The following DCC variants were observed in gnomAD, a reference collection of about 807,000 sequenced individuals.
The protein encoded by DCC is DCC netrin 1 receptor, also known as netrin receptor DCC.
A neutral mutation model predicts 172.5 loss-of-function variants in DCC; 58 were observed. That is an observed-to-expected ratio of 0.34 (90% CI 0.27 to 0.42). DCC has a LOEUF of 0.42. Among genes scored for constraint, DCC ranks in the 10% least tolerant of loss-of-function variants. The pLI is 1.00. For synonymous variants in DCC, 709 were observed against 644.5 expected (o/e 1.10, Z -1.52); for missense variants, 1,740 against 1,791.0 (o/e 0.97, Z 0.51).
At chr18:53,088,754 A>G (rs2042959343) in intron 7 of DCC, among the ~76,000 whole-genome samples, 1 of 152,176 alleles carries the variant, frequency 6.6e-6, no homozygotes, top group South Asian at 2.1e-4. Flanking sequence ...TGCTACCTGG[A>G]GTTTCTCCAT....
At chr18:53,110,031 A>T (rs9950187) in intron 7 of DCC, among the ~76,000 whole-genome samples, 11,923 of 151,732 alleles carry the variant, frequency 0.079, 766 homozygotes, top group East Asian at 0.36. Flanking sequence ...CTCATTTCAT[A>T]GAAGTCCTAA....
chr18:53,030,860 G>C (rs1355490804), intron 5 of DCC, among the ~76,000 whole-genome samples: 1 of 152,176 alleles, frequency 6.6e-6, no homozygotes, highest in Non-Finnish European at 1.5e-5. Context: ...CTGCACACTA[G>C]GAGGCAGGTG....
chr18:53,189,892 T>A (rs1249765101), intron 9 of DCC, among the ~76,000 whole-genome samples: 1 of 152,188 alleles, frequency 6.6e-6, no homozygotes, highest in Non-Finnish European at 1.5e-5. Flanking sequence ...CTGGTTTTCT[T>A]CCAGACACTG....
At chr18:53,402,995 C>A in intron 19 of DCC, 102 bp downstream of exon 19, 1 of 841,096 alleles carries the variant, frequency 1.2e-6, no homozygotes, top group Non-Finnish European at 2.1e-6. Flanking sequence ...ATTATTCTGT[C>A]CCTACATCTC....
intron 7 of DCC, among the ~76,000 whole-genome samples, chr18:53,098,211 T>A (rs1035594953): frequency 2.0e-5 from 3 of 152,018 alleles, no homozygotes; most frequent in Non-Finnish European, 2.9e-5. Flanking sequence ...GTTTTTTTTT[T>A]AATTCTGAAA....
At chr18:52,870,522 A>G (rs1023161847) in intron 2 of DCC, among the ~76,000 whole-genome samples, 1 of 152,052 alleles carries the variant, frequency 6.6e-6, no homozygotes, top group African/African-American at 2.4e-5. Flanking sequence ...TCTAAATAAT[A>G]CCAGCCATTA....
intron 9 of DCC, among the ~76,000 whole-genome samples, chr18:53,200,384 C>G (rs1038506432): frequency 6.6e-6 from 1 of 152,136 alleles, no homozygotes; most frequent in Non-Finnish European, 1.5e-5. Flanking sequence ...CATAAAGTGC[C>G]TTAGGCCTGT....
intron 5 of DCC, among the ~76,000 whole-genome samples, chr18:53,045,820 C>G (rs114521689): frequency 6.6e-6 from 1 of 151,780 alleles, no homozygotes; most frequent in South Asian, 2.1e-4. Flanking sequence ...ATGTTTTATT[C>G]CGAATTACCA....
intron 5 of DCC, among the ~76,000 whole-genome samples, chr18:52,931,586 T>A (rs935021630): frequency 5.5e-4 from 84 of 152,222 alleles, no homozygotes; most frequent in African/African-American, 1.9e-3. Context: ...AGAGTGAATA[T>A]ACATTAAATA....
intron 27 of DCC, among the ~76,000 whole-genome samples, chr18:53,513,821 G>T (rs970103814): frequency 1.3e-5 from 2 of 148,974 alleles, no homozygotes; most frequent in Non-Finnish European, 3.0e-5. Context: ...AGCAAGTCCT[G>T]AGTGACCTAC....
At chr18:52,700,735 A>G (rs902012516) in intron 1 of DCC, among the ~76,000 whole-genome samples, 2 of 152,240 alleles carry the variant, frequency 1.3e-5, no homozygotes, top group Non-Finnish European at 2.9e-5. Context: ...TAAAATGAAG[A>G]CAAGTTCTTA....
chr18:53,056,712 C>T (rs1217315986), intron 5 of DCC, among the ~76,000 whole-genome samples: 3 of 151,998 alleles, frequency 2.0e-5, no homozygotes, highest in African/African-American at 7.2e-5. Context: ...GCACATGGCT[C>T]CAGGGAAACT....
At chr18:53,080,126 A>G (rs1024995055) in intron 7 of DCC, among the ~76,000 whole-genome samples, 1 of 152,088 alleles carries the variant, frequency 6.6e-6, no homozygotes, top group African/African-American at 2.4e-5. Flanking sequence ...GCAAGAGAGA[A>G]TGAGGTCATT....
chr18:53,380,399 A>G (rs976380314), intron 15 of DCC, among the ~76,000 whole-genome samples: 4 of 152,194 alleles, frequency 2.6e-5, no homozygotes, highest in African/African-American at 9.6e-5. Flanking sequence ...ATCACAATAT[A>G]AAAGGATATC....
chr18:52,721,471 A>G (rs764415377), intron 1 of DCC, among the ~76,000 whole-genome samples: 1 of 152,212 alleles, frequency 6.6e-6, no homozygotes, highest in Admixed American at 6.5e-5. Flanking sequence ...TGACTTTATC[A>G]ACTAGGCACT....
At chr18:53,182,793 T>G (rs2055216157) in intron 9 of DCC, among the ~76,000 whole-genome samples, 1 of 152,082 alleles carries the variant, frequency 6.6e-6, no homozygotes, top group Non-Finnish European at 1.5e-5. Flanking sequence ...GTTCCTTTCC[T>G]TTCCTTTCCC....
At position 52,927,088 on chromosome 18, in the gene DCC, C is replaced by CGTATATACGT. The variant is rs2040221501; in HGVS notation, c.985+1727_985+1736dup. 1.0e-4 allele frequency among the ~76,000 whole-genome samples: 8 copies of CGTATATACGT among 79,884 alleles called. 2 individuals carry two copies. The highest frequency in any genetic ancestry group is 7.4e-4 in the South Asian group (2 of 2,718). The allele number at this position is 79,884 out of a possible 152,430, so 52.4% of individuals were successfully genotyped here. A position where few individuals can be genotyped will look rare whatever the true frequency, so the allele number is the denominator to read the frequency against. Reference sequence around the variant, plus strand: ...ATACACACATATATGTGTATATACACGTATATACGTGTATATACACGTATA... The same window carrying CGTATATACGT: ...ATACACACATATATGTGTATATACACGTATATACGTGTATATACGTGTATATACACGTATA... On this transcript the variant is annotated intron_variant, in intron 5 of 28. Transcript: ENST00000442544.
chr18:52,638,515 C>T (rs537361130), intron 1 of DCC, among the ~76,000 whole-genome samples: 3 of 152,086 alleles, frequency 2.0e-5, no homozygotes, highest in Non-Finnish European at 4.4e-5. Flanking sequence ...AAATGAACAC[C>T]AAAAGCGAGC....
At chr18:53,066,232 C>G in intron 7 of DCC, 66 bp downstream of exon 7, 4 of 1,538,162 alleles carry the variant, frequency 2.6e-6, no homozygotes, top group Non-Finnish European at 2.7e-6. Context: ...TTGGTAAAAT[C>G]CATATTGTTT....
Sources: gnomAD v4.1 joint callset for allele counts (sites outside exome capture counted in the v4.1 genomes callset) on GRCh38, gnomAD v4.1.1 for gene constraint, MANE v1.5 for transcripts, NCBI Gene and HGNC (gene_info 2026-07-23, HGNC 2026-07-21) for gene names.